ABCG1: variants seen among roughly 807,000 people sequenced by gnomAD.
The protein encoded by ABCG1 is ATP-binding cassette sub-family G member 1.
Under a neutral mutation model 69.2 loss-of-function variants are expected in ABCG1, and 29 were observed. That is an observed-to-expected ratio of 0.42 (90% CI 0.31 to 0.57). The LOEUF (loss-of-function observed/expected upper bound fraction) is 0.57. Ranked by LOEUF, ABCG1 falls within the 20% of genes least tolerant of loss-of-function variation. ABCG1 has a pLI of 0.15. For synonymous variants in ABCG1, 370 were observed against 374.8 expected, an observed-to-expected ratio of 0.99 and a Z score of 0.15; for missense variants, 718 against 898.1, an observed-to-expected ratio of 0.80 and a Z score of 2.56.
At chr21:42,241,620 C>CAA (rs11330762) in intron 2 of ABCG1, among the ~76,000 whole-genome samples, 1 of 144,348 alleles carries the variant, frequency 6.9e-6, no homozygotes, top group South Asian at 2.2e-4. Context: ...AAAAAAATAA[C>CAA]AAAAAAAAAA....
At position 42,275,746 on chromosome 21, in the gene ABCG1, A is replaced by C. The variant is rs369223987; in HGVS notation, c.538-1149A>C. Among the ~76,000 whole-genome samples, 17 of 152,320 alleles carry C rather than the reference A, an allele frequency of 1.1e-4. 1 individual carries two copies. The highest frequency in any genetic ancestry group is 1.9e-4 in the East Asian group (1 of 5,182). On this transcript the variant is annotated intron_variant, in intron 4 of 14. Transcript: ENST00000398449. ...ATTCAGTTCGATTTTGATTCTGAGA[A>C]TTTCATGAGGCCCTGGAGAAATACT... is the stretch of plus-strand genomic sequence containing the variant.
At chr21:42,237,715 G>A (rs1323310425) in intron 2 of ABCG1, among the ~76,000 whole-genome samples, 9 of 152,352 alleles carry the variant, frequency 5.9e-5, no homozygotes, top group Non-Finnish European at 5.9e-5. Flanking sequence ...AAAACCAAGA[G>A]CCTTGAGATG....
intron 6 of ABCG1, among the ~76,000 whole-genome samples, chr21:42,284,184 C>A (rs1163023897): frequency 8.5e-5 from 7 of 82,102 alleles, no homozygotes; most frequent in African/African-American, 3.8e-4. Flanking sequence ...TCTGTCCCGC[C>A]TGGACAGTTG....
chr21:42,293,406 C>T (rs111166954), intron 13 of ABCG1, among the ~76,000 whole-genome samples: 7,737 of 143,698 alleles, frequency 0.054, 587 homozygotes, highest in African/African-American at 0.2. Flanking sequence ...CTACACACCA[C>T]GCACTACACA....
rs2069027590 is a variant in ABCG1, at chr21:42,290,121, C to T, written c.1296C>T (p.Ile432=). The T allele has an allele frequency of 5.6e-6, 9 of 1,614,198 alleles. No homozygotes were observed. The highest frequency in any genetic ancestry group is 1.7e-5 in the Admixed American group (1 of 60,022). The change falls in exon 11 of 15, where the codon ATC becomes ATT. Residue 432 remains isoleucine (I), a synonymous_variant. Transcript: ENST00000398449. ...TCATTGGCCTGCTGTACTTGGGGATCGGGAACGAAGCCAAGAAGGTCTTGA... is the reference window on the plus strand; with the variant it reads ...TCATTGGCCTGCTGTACTTGGGGATTGGGAACGAAGCCAAGAAGGTCTTGA... The part of the protein sequence containing the change: ...GLLIGLLYLG[I]GNEAKKVLSN...
At chr21:42,281,652 T>C (rs964684297) in intron 5 of ABCG1, among the ~76,000 whole-genome samples, 2 of 152,092 alleles carry the variant, frequency 1.3e-5, no homozygotes, top group African/African-American at 2.4e-5. Flanking sequence ...GTCAAACCTA[T>C]TTACAAGAAC....
chr21:42,205,136 A>C (rs938917387), intron 2 of ABCG1, among the ~76,000 whole-genome samples: 6 of 151,998 alleles, frequency 3.9e-5, no homozygotes, highest in African/African-American at 1.5e-4. Flanking sequence ...GAAGTGGTTC[A>C]TTTCATCTGA....
At chr21:42,201,453 C>T (rs2067505588) in intron 1 of ABCG1, 1 of 558,688 alleles carries the variant, frequency 1.8e-6, no homozygotes, top group African/African-American at 1.9e-5. Flanking sequence ...TGGCCCCATT[C>T]CTAACGGGCC....
rs552829524 is a variant in ABCG1, at chr21:42,291,388, G to A, written c.1495-110G>A. ...GGGGAGTGGGGAAGGACCCGACTTT[G>A]GGAGCTCTGGCGGGAGCTGCGGGGA... On this transcript the variant is annotated intron_variant, in intron 12 of 14. Coordinates refer to ENST00000398449, the MANE Select transcript of ABCG1 (RefSeq NM_016818.3). The surrounding 1 kb of genome is among the most constrained non-coding windows in gnomAD (Gnocchi z 6.4). The A allele has an allele frequency of 1.0e-4, 146 of 1,458,234 alleles. No individual in the cohort carries two copies. In the African/African-American group the frequency reaches 1.7e-3, roughly 17 times the overall value. The allele number at this position is 1,458,234 out of a possible 1,614,324, so 90.3% of individuals were successfully genotyped here.
chr21:42,247,415 GA>G (rs938316944), intron 2 of ABCG1, among the ~76,000 whole-genome samples: 12 of 152,206 alleles, frequency 7.9e-5, no homozygotes, highest in Non-Finnish European at 1.8e-4. Context: ...ACAGCCTTTG[GA>G]AAAGGCCACA....
intron 2 of ABCG1, among the ~76,000 whole-genome samples, chr21:42,243,920 G>A (rs1467053122): frequency 7.1e-6 from 1 of 140,986 alleles, no homozygotes; most frequent in Non-Finnish European, 1.5e-5. Context: ...CCGGGTTCAC[G>A]CCATTCTCCT....
At chr21:42,275,333 G>A (rs758567333) in intron 4 of ABCG1, among the ~76,000 whole-genome samples, 3 of 152,216 alleles carry the variant, frequency 2.0e-5, no homozygotes, top group Non-Finnish European at 4.4e-5. Flanking sequence ...TCCCTGGGCG[G>A]TGTGTGCCCC....
upstream of ABCG1, among the ~76,000 whole-genome samples, chr21:42,214,193 T>G (rs79089732): frequency 0.018 from 2,734 of 152,298 alleles, 82 homozygotes; most frequent in African/African-American, 0.062. Flanking sequence ...TGGAAGGTGA[T>G]TAGTTCATGA....
intron 2 of ABCG1, among the ~76,000 whole-genome samples, chr21:42,268,601 T>A (rs963969977): frequency 3.5e-4 from 53 of 152,024 alleles, no homozygotes; most frequent in Middle Eastern, 3.4e-3. Context: ...TGTCTTTTTT[T>A]AAAAAAAAGA....
In ABCG1 at chr21:42,282,294, G is replaced by T. The variant is rs201037860; in HGVS notation, c.609G>T (p.Ala203=). ...RREMVKEILT[A]LGLLSCANTR... The stretch of plus-strand genomic sequence containing the variant: ...CCCAGGTCAAGGAGATACTGACAGC[G>T]CTGGGCTTGCTGTCTTGCGCCAACA... Residue 203 remains alanine, a synonymous_variant, in exon 6 of 15, where the codon GCG becomes GCT. Coordinates refer to ENST00000398449, the MANE Select transcript of ABCG1 (RefSeq NM_016818.3). The T allele has an allele frequency of 9.6e-5, 155 of 1,612,302 alleles. No homozygotes were observed. The highest frequency in any genetic ancestry group is 1.2e-4 in the Non-Finnish European group (140 of 1,179,982).
rs746981742 is a variant in ABCG1 at position 42,273,487 on chromosome 21, G to T, written c.537+52G>T. 3 of 1,580,280 alleles carry T rather than the reference G, an allele frequency of 1.9e-6. No homozygotes were observed. The South Asian group carries it at 3.5e-5, about 18-fold the overall frequency. ...TCCGCCCCTGCCGCCTGTCCCCAGC[G>T]CCCACATTAGACACAGCACTGGCCG... On this transcript the variant is annotated intron_variant, in intron 4 of 14. Transcript: ENST00000398449. This position sits in a 1 kb window ranked among gnomAD's most constrained non-coding sequence, Gnocchi z 5.3.
intron 1 of ABCG1, among the ~76,000 whole-genome samples, chr21:42,200,060 A>G (rs77683648): frequency 6.6e-6 from 1 of 152,194 alleles, no homozygotes; most frequent in South Asian, 2.1e-4. Flanking sequence ...TGGATTTGGG[A>G]GATGCAGTGA....
At chr21:42,279,262 G>T (rs996768162) in intron 5 of ABCG1, among the ~76,000 whole-genome samples, 3 of 152,170 alleles carry the variant, frequency 2.0e-5, no homozygotes, top group African/African-American at 7.2e-5. Context: ...TCTGGAGAGG[G>T]AGGCGCTGGA....
rs11402831 is a variant in ABCG1, at chr21:42,243,814, CTTTTTT to C, written c.286+17917_286+17922del. 3.2e-5 allele frequency among the ~76,000 whole-genome samples: 3 copies of C among 94,228 alleles called. No homozygotes were observed. The East Asian group carries it at 9.3e-4, about 29-fold the overall frequency. The allele number at this position is 94,228 out of a possible 152,430, so 61.8% of individuals were successfully genotyped here. ...TTCTGTAAGCCCTCTTTATCTTTGG[CTTTTTT>C]TTTTTTTTTTTTTTTTGAGACGGAG... is the stretch of plus-strand genomic sequence containing the variant. On this transcript the variant is annotated intron_variant, in intron 2 of 14. Transcript: ENST00000398449.
Sources: allele counts gnomAD v4.1 joint callset (sites outside exome capture counted in the v4.1 genomes callset), GRCh38; gene constraint gnomAD v4.1.1; non-coding constraint Gnocchi (gnomAD v3.1); transcripts MANE v1.5; gene names NCBI Gene and HGNC (gene_info 2026-07-23, HGNC 2026-07-21).